The following PDE1C variants were observed in gnomAD, a reference collection of about 807,000 sequenced individuals.
PDE1C encodes dual specificity calcium/calmodulin-dependent 3',5'-cyclic nucleotide phosphodiesterase 1C.
Under a neutral mutation model 93.1 loss-of-function variants are expected in PDE1C, and 62 were observed. That is an observed-to-expected ratio of 0.67 (90% CI 0.54 to 0.82). The LOEUF is 0.82. Ranked by LOEUF, PDE1C falls within the 40% of genes least tolerant of loss-of-function variation. The probability of loss-of-function intolerance (pLI) is 0.00; values close to 1 mark genes in which losing one functional copy is unlikely to be tolerated. For missense variants in PDE1C, 742 were observed against 884.6 expected, an observed-to-expected ratio of 0.84 and a Z score of 2.04; for synonymous variants, 325 against 310.1, an observed-to-expected ratio of 1.05 and a Z score of -0.50.
At chr7:32,173,477 TTAAAG>T (rs1802781796) in intron 2 of PDE1C, among the ~76,000 whole-genome samples, 1 of 144,482 alleles carries the variant, frequency 6.9e-6, no homozygotes, top group Admixed American at 6.8e-5. Context: ...ATAGCAGAAC[TTAAAG>T]TAAAATAAAA....
At chr7:31,639,061 G>A in the PDE1C span, among the ~76,000 whole-genome samples, 3 of 152,160 alleles carry the variant, frequency 2.0e-5, no homozygotes, top group Non-Finnish European at 4.4e-5. Context: ...ACAGGTGTGA[G>A]CCACTGCGCC....
At chr7:31,922,196 C>A (rs1404518843) in intron 2 of PDE1C, among the ~76,000 whole-genome samples, 3 of 152,134 alleles carry the variant, frequency 2.0e-5, no homozygotes, top group Admixed American at 6.5e-5. Flanking sequence ...ATATCCTTGG[C>A]CCCTCTTACA....
chr7:32,059,818 G>T (rs1794589558), intron 1 of PDE1C, among the ~76,000 whole-genome samples: 2 of 152,206 alleles, frequency 1.3e-5, no homozygotes. Context: ...AAAGAAAATA[G>T]AAAGCAAATG....
At chr7:32,387,119 C>T (rs534222710) in intron 1 of PDE1C, among the ~76,000 whole-genome samples, 1 of 151,440 alleles carries the variant, frequency 6.6e-6, no homozygotes, top group African/African-American at 2.4e-5. Context: ...TAACAAAGCA[C>T]ATCTTGCACC....
At chr7:32,018,583 T>C (rs573712499) in intron 2 of PDE1C, among the ~76,000 whole-genome samples, 5 of 152,142 alleles carry the variant, frequency 3.3e-5, no homozygotes, top group Non-Finnish European at 5.9e-5. Flanking sequence ...GAAATTGTAT[T>C]GTCCCATTTA....
At chr7:31,985,377 T>C (rs1414127660) in intron 2 of PDE1C, among the ~76,000 whole-genome samples, 1 of 151,230 alleles carries the variant, frequency 6.6e-6, no homozygotes, top group African/African-American at 2.5e-5. Context: ...AATCTTTTTA[T>C]CTCCAAGAAA....
intron 2 of PDE1C, among the ~76,000 whole-genome samples, chr7:31,992,209 G>A (rs1409460322): frequency 6.6e-6 from 1 of 152,200 alleles, no homozygotes; most frequent in East Asian, 1.9e-4. Flanking sequence ...GCATAGGAGT[G>A]AAACACTTCC....
At chr7:32,066,556 T>G (rs1446199293) in intron 1 of PDE1C, among the ~76,000 whole-genome samples, 1 of 152,160 alleles carries the variant, frequency 6.6e-6, no homozygotes, top group Non-Finnish European at 1.5e-5. Flanking sequence ...AAATGCAGCA[T>G]AGAAACACGT....
At chr7:32,239,725 A>G (rs1251570882) in intron 1 of PDE1C, among the ~76,000 whole-genome samples, 2 of 152,246 alleles carry the variant, frequency 1.3e-5, no homozygotes, top group South Asian at 4.1e-4. Context: ...GAGACCAGAA[A>G]GTAGGTCACA....
rs186816228 is a variant in PDE1C, at chr7:31,949,352, C to T, written c.129-68492G>A. ...GCACACACCTGTAATCCCAGCTGCT[C>T]GGGAGGCTGAGGCAGGAGAATCACT... On this transcript the variant is annotated intron_variant, in intron 2 of 17. Transcript: ENST00000396191. Among the ~76,000 whole-genome samples, 515 of 152,076 alleles carry T rather than the reference C, an allele frequency of 3.4e-3. 1 individual carries two copies. Among genetic ancestry groups the T allele is most frequent in the African/African-American group, 0.012 (494 of 41,478 alleles).
At chr7:32,217,679 G>T (rs534253693) in intron 1 of PDE1C, among the ~76,000 whole-genome samples, 2 of 152,234 alleles carry the variant, frequency 1.3e-5, no homozygotes, top group Non-Finnish European at 1.5e-5. Context: ...AGGTAGGATG[G>T]GTAAATGGGA....
chr7:32,162,352 G>A (rs972515395), intron 3 of PDE1C, among the ~76,000 whole-genome samples: 8 of 152,162 alleles, frequency 5.3e-5, no homozygotes, highest in Middle Eastern at 3.2e-3. Context: ...AGCTAGAAGT[G>A]ATGCACCAGC....
chr7:32,238,799 T>C (rs1430838294), intron 1 of PDE1C, among the ~76,000 whole-genome samples: 1 of 152,216 alleles, frequency 6.6e-6, no homozygotes, highest in Non-Finnish European at 1.5e-5. Flanking sequence ...CTGTTAGTTA[T>C]CCATATTGGG....
intron 1 of PDE1C, among the ~76,000 whole-genome samples, chr7:32,069,959 T>A (rs901651587): frequency 4.6e-5 from 7 of 152,208 alleles, no homozygotes; most frequent in Non-Finnish European, 1.0e-4. Flanking sequence ...AAAGTCCCTG[T>A]CTGGGTCTCA....
intron 1 of PDE1C, among the ~76,000 whole-genome samples, chr7:32,335,724 G>A (rs1022581181): frequency 6.6e-6 from 1 of 151,768 alleles, no homozygotes; most frequent in African/African-American, 2.4e-5. Flanking sequence ...TTGTTTGTTT[G>A]TTTGTTTGTT....
At position 32,298,046 on chromosome 7, in the gene PDE1C, CT is replaced by C. The variant is rs1277107535; in HGVS notation, c.85+604del. On this transcript the variant is annotated intron_variant, in intron 1 of 18. Transcript: ENST00000396193. ...TCTCTCTCTCTCTCTCTCTCTCTCT[CT>C]CTCTCTCTCTCTCTCTCCCCTCTCT... 1.9e-4 allele frequency among the ~76,000 whole-genome samples: 14 copies of C among 74,460 alleles called. 1 individual carries two copies. The highest frequency in any genetic ancestry group is 1.4e-3 in the East Asian group (3 of 2,190). The allele number at this position is 74,460 out of a possible 152,430, so 48.8% of individuals were successfully genotyped here.
chr7:31,670,665 G>A, the PDE1C span, among the ~76,000 whole-genome samples: 2 of 152,200 alleles, frequency 1.3e-5, no homozygotes, highest in Non-Finnish European at 2.9e-5. Context: ...TACTGATAGA[G>A]ACAGGAGGCA....
rs1036615431 is a variant in PDE1C at position 32,001,220 on chromosome 7, T to C, written c.128+50334A>G. ...ACTGAGAAATCTACAGTGGAAAAAA[T>C]ACCAACTTTTCACTTACTGCACTTT... On this transcript the variant is annotated intron_variant, in intron 2 of 17. Coordinates refer to ENST00000396191, the MANE Select transcript of PDE1C (RefSeq NM_001191057.4). Among the ~76,000 whole-genome samples the C allele has an allele frequency of 2.6e-5, 4 of 152,208 alleles. 1 individual carries two copies. The East Asian group carries it at 7.7e-4, about 29-fold the overall frequency.
At chr7:32,390,654 C>T (rs1220391522) in intron 1 of PDE1C, among the ~76,000 whole-genome samples, 1 of 151,986 alleles carries the variant, frequency 6.6e-6, no homozygotes, top group East Asian at 1.9e-4. Context: ...TCAGACCAGC[C>T]TGGGTAACAT....
Sources: allele counts gnomAD v4.1 joint callset (sites outside exome capture counted in the v4.1 genomes callset), GRCh38; gene constraint gnomAD v4.1.1; transcripts MANE v1.5; gene names NCBI Gene and HGNC (gene_info 2026-07-23, HGNC 2026-07-21).